Variants in CHRNA7 observed in about 807,000 individuals in gnomAD.
CHRNA7 encodes the protein neuronal acetylcholine receptor subunit alpha-7.
In CHRNA7, 17 loss-of-function variants were observed where a neutral mutation model predicts 48.0. That is an observed-to-expected ratio of 0.35 (90% CI 0.24 to 0.53). The LOEUF is 0.53. Among genes scored for constraint, CHRNA7 ranks in the 20% least tolerant of loss-of-function variants. CHRNA7 has a pLI of 0.92. For missense variants in CHRNA7, 155 were observed against 577.7 expected, an observed-to-expected ratio of 0.27 and a Z score of 7.50; for synonymous variants, 75 against 242.3, an observed-to-expected ratio of 0.31 and a Z score of 6.41.
At chr15:32,114,075 T>TATATATAC (rs1355610927) in intron 4 of CHRNA7, among the ~76,000 whole-genome samples, 1 of 113,142 alleles carries the variant, frequency 8.8e-6, no homozygotes, top group Non-Finnish European at 2.0e-5. Context: ...TATATATATA[T>TATATATAC]ACACATACAT....
At chr15:32,087,777 T>G (rs1202013959) in intron 2 of CHRNA7, among the ~76,000 whole-genome samples, 3 of 152,228 alleles carry the variant, frequency 2.0e-5, no homozygotes, top group African/African-American at 7.2e-5. Flanking sequence ...CTTCATCAAG[T>G]AGAGTGCAAT....
At chr15:32,074,114 A>C (rs142441957) in intron 2 of CHRNA7, among the ~76,000 whole-genome samples, 1 of 151,168 alleles carries the variant, frequency 6.6e-6, no homozygotes, top group Non-Finnish European at 1.5e-5. Context: ...TGATGTCCAT[A>C]TGCTCATTGC....
At chr15:32,101,203 A>C in intron 2 of CHRNA7, 100 bp from the exon 3 acceptor site, 1 of 1,290,744 alleles carries the variant, frequency 7.7e-7, no homozygotes, top group Non-Finnish European at 1.1e-6. Context: ...TCCACACACA[A>C]CAACGCTCTC....
intron 4 of CHRNA7, among the ~76,000 whole-genome samples, chr15:32,147,603 TA>T (rs955557638): frequency 6.6e-6 from 1 of 152,112 alleles, no homozygotes; most frequent in Admixed American, 6.5e-5. Flanking sequence ...TTTCTTTTTT[TA>T]AAAAAAGGAA....
chr15:32,068,069 T>C (rs967702981), intron 2 of CHRNA7, among the ~76,000 whole-genome samples: 3 of 152,130 alleles, frequency 2.0e-5, no homozygotes, highest in African/African-American at 7.2e-5. Context: ...TTAAGCCCTT[T>C]GGGAGGCTGA....
At chr15:32,105,210 C>T (rs945677124) in intron 3 of CHRNA7, among the ~76,000 whole-genome samples, 1 of 152,232 alleles carries the variant, frequency 6.6e-6, no homozygotes, top group Admixed American at 6.5e-5. Flanking sequence ...CCTCTTGGAG[C>T]AACCTACTCT....
At chr15:32,033,139 T>G (rs1367371453) in intron 2 of CHRNA7, among the ~76,000 whole-genome samples, 9 of 152,218 alleles carry the variant, frequency 5.9e-5, no homozygotes, top group Non-Finnish European at 1.3e-4. Flanking sequence ...GCCGTGGTAT[T>G]GGCTGTGAAC....
At position 32,039,463 on chromosome 15, in the gene CHRNA7, A is replaced by G. The variant is rs1049824652; in HGVS notation, c.195+8426A>G. Among the ~76,000 whole-genome samples the G allele has an allele frequency of 2.6e-4, 40 of 151,888 alleles. 3 individuals are homozygous for G. The highest frequency in any genetic ancestry group is 1.2e-4 in the Non-Finnish European group (8 of 67,922). On this transcript the variant is annotated intron_variant, in intron 2 of 9. Coordinates refer to ENST00000306901, the MANE Select transcript of CHRNA7 (RefSeq NM_000746.6). The stretch of plus-strand genomic sequence containing the variant: ...ACAAATTTTGATAAGTTGTGTTTTC[A>G]TTTTCATTTCAGTTAAAATATTTCA...
intron 4 of CHRNA7, among the ~76,000 whole-genome samples, chr15:32,140,250 A>G (rs1273778171): frequency 1.3e-5 from 2 of 152,040 alleles, no homozygotes; most frequent in Admixed American, 1.3e-4. Context: ...AAGGACATGA[A>G]CTCATCCTTT....
rs139381340 is a variant in CHRNA7 at position 32,058,868 on chromosome 15, C to T, written c.195+27831C>T. ...AGTAACATCATCTATATGTATATAA[C>T]TTTAAAGAACTTTAACATTTTTAAA... On this transcript the variant is annotated intron_variant, in intron 2 of 9. Coordinates refer to ENST00000306901, the MANE Select transcript of CHRNA7 (RefSeq NM_000746.6). Among the ~76,000 whole-genome samples the T allele has an allele frequency of 1.4e-3, 220 of 152,278 alleles. 2 individuals are homozygous for T. The highest frequency in any genetic ancestry group is 5.1e-3 in the African/African-American group (210 of 41,552).
intron 2 of CHRNA7, among the ~76,000 whole-genome samples, chr15:32,093,996 GC>G (rs1357978433): frequency 6.6e-6 from 1 of 152,152 alleles, no homozygotes; most frequent in Non-Finnish European, 1.5e-5. Flanking sequence ...TGCCTCAGTG[GC>G]TCTTTGGAGC....
At chr15:32,081,730 T>G (rs894852990) in intron 2 of CHRNA7, among the ~76,000 whole-genome samples, 3 of 152,160 alleles carry the variant, frequency 2.0e-5, no homozygotes, top group African/African-American at 4.8e-5. Context: ...TACTTTTTCC[T>G]TCAACCAACA....
At chr15:32,117,735 C>A (rs1168553623) in intron 4 of CHRNA7, among the ~76,000 whole-genome samples, 1 of 152,108 alleles carries the variant, frequency 6.6e-6, no homozygotes, top group Non-Finnish European at 1.5e-5. Context: ...CATGGCAGTG[C>A]ACACATGGAA....
At chr15:32,101,249 C>A (rs911909814) in intron 2 of CHRNA7, 54 bp from the exon 3 acceptor site, 2 of 1,554,044 alleles carry the variant, frequency 1.3e-6, no homozygotes, top group African/African-American at 2.8e-5. Flanking sequence ...TTGTCTCATT[C>A]TTTCTTTTGT....
At chr15:32,092,746 A>G (rs552107677) in intron 2 of CHRNA7, among the ~76,000 whole-genome samples, 1 of 152,334 alleles carries the variant, frequency 6.6e-6, no homozygotes, top group South Asian at 2.1e-4. Flanking sequence ...GACTGCTTCT[A>G]AATCCTGCTC....
intron 2 of CHRNA7, among the ~76,000 whole-genome samples, chr15:32,074,188 T>G (rs755114563): frequency 4.6e-5 from 7 of 151,516 alleles, no homozygotes; most frequent in Non-Finnish European, 7.4e-5. Flanking sequence ...TTTGCTAAAC[T>G]CACTTATTCT....
intron 4 of CHRNA7, among the ~76,000 whole-genome samples, chr15:32,138,911 G>A (rs944977832): frequency 2.0e-5 from 3 of 151,928 alleles, no homozygotes; most frequent in Non-Finnish European, 4.4e-5. Flanking sequence ...ACGCCACCAC[G>A]CCTGGCTAAT....
intron 2 of CHRNA7, among the ~76,000 whole-genome samples, chr15:32,074,592 G>A (rs1157096116): frequency 1.3e-5 from 2 of 149,758 alleles, no homozygotes; most frequent in Non-Finnish European, 3.0e-5. Flanking sequence ...CTTGAATTTC[G>A]TCAGATGGTT....
At position 32,161,275 on chromosome 15, in the gene CHRNA7, C is replaced by T. The variant is rs968099330; in HGVS notation, c.880+1620C>T. The T allele has an allele frequency of 5.4e-4, 9 of 16,620 alleles. 1 individual carries two copies. The highest frequency in any genetic ancestry group is 1.3e-3 in the African/African-American group (9 of 6,758). 1.0% of individuals were successfully genotyped at this position (16,620 alleles called of 1,614,324 possible). A position where few individuals can be genotyped will look rare whatever the true frequency, so the allele number is the denominator to read the frequency against. ...TAGCGCCCTGTACCCTGATGCTTTC[C>T]GCTTAGAGTTCAGCCCCTTGAGTGG... is the stretch of plus-strand genomic sequence containing the variant. On this transcript the variant is annotated intron_variant, in intron 8 of 9. Transcript: ENST00000306901.
Sources: allele counts gnomAD v4.1 joint callset (sites outside exome capture counted in the v4.1 genomes callset), GRCh38; gene constraint gnomAD v4.1.1; transcripts MANE v1.5; gene names NCBI Gene and HGNC (gene_info 2026-07-23, HGNC 2026-07-21).